Variants in ANK2 observed in about 807,000 individuals in gnomAD.
ANK2 encodes ankyrin 2, also known as ankyrin-2.
A neutral mutation model predicts 360.5 loss-of-function variants in ANK2; 83 were observed. That is an observed-to-expected ratio of 0.23 (90% CI 0.19 to 0.28). ANK2 has a LOEUF of 0.28. Ranked by LOEUF, ANK2 falls within the 10% of genes least tolerant of loss-of-function variation. ANK2 has a pLI of 1.00. For missense variants in ANK2, 4,201 were observed against 4,795.7 expected, an observed-to-expected ratio of 0.88 and a Z score of 3.66; for synonymous variants, 1,740 against 1,759.5, an observed-to-expected ratio of 0.99 and a Z score of 0.28.
chr4:112,810,182 T>TTTTG, the ANK2 span, among the ~76,000 whole-genome samples: 17 of 111,784 alleles, frequency 1.5e-4, no homozygotes, highest in African/African-American at 4.7e-4. Context: ...TTTTTTTTTT[T>TTTTG]GTAGCAATGG....
intron 1 of ANK2, among the ~76,000 whole-genome samples, chr4:112,856,470 G>A (rs2066429598): frequency 6.6e-6 from 1 of 152,198 alleles, no homozygotes; most frequent in Non-Finnish European, 1.5e-5. Context: ...GCTCACGCCT[G>A]TAATCCCAGC....
At chr4:113,028,277 G>T (rs1215318841) in intron 2 of ANK2, among the ~76,000 whole-genome samples, 1 of 152,082 alleles carries the variant, frequency 6.6e-6, no homozygotes. Flanking sequence ...CCTGGGGGAG[G>T]TGTAGAAGGT....
At chr4:113,373,514 T>G in intron 45 of ANK2, 65 bp downstream of exon 45, 1 of 1,520,182 alleles carries the variant, frequency 6.6e-7, no homozygotes, top group Non-Finnish European at 9.1e-7. Flanking sequence ...TCAAGAAAGA[T>G]GAGTGAGATT....
intron 2 of ANK2, among the ~76,000 whole-genome samples, chr4:113,007,180 A>G (rs1314270310): frequency 6.6e-6 from 1 of 152,224 alleles, no homozygotes; most frequent in African/African-American, 2.4e-5. Flanking sequence ...AATGGATAAA[A>G]TATGTAATAC....
At chr4:113,267,411 T>C (rs1226319414) in intron 14 of ANK2, among the ~76,000 whole-genome samples, 3 of 152,236 alleles carry the variant, frequency 2.0e-5, no homozygotes, top group Non-Finnish European at 4.4e-5. Context: ...TAATCCATCT[T>C]GAGTTAATTT....
At position 113,381,484 on chromosome 4, in the gene ANK2, G is replaced by A; in HGVS notation, c.*13G>A. 1 of 1,614,118 alleles carries A rather than the reference G, an allele frequency of 6.2e-7. No homozygotes were observed. Among genetic ancestry groups the A allele is most frequent in the Non-Finnish European group, 8.5e-7 (1 of 1,180,000 alleles). On this transcript the variant is annotated 3_prime_UTR_variant, in exon 46 of 46. Transcript: ENST00000357077. The stretch of plus-strand genomic sequence containing the variant: ...CAACAATGAGTAAAGCCATCACACA[G>A]AAGAGGGCTGTGGTGAAGGACCAGC...
intron 2 of ANK2, among the ~76,000 whole-genome samples, chr4:113,177,719 A>G (rs1484422227): frequency 6.6e-6 from 1 of 152,240 alleles, no homozygotes; most frequent in African/African-American, 2.4e-5. Flanking sequence ...CCAGCCATCC[A>G]CTAACATGTC....
At chr4:112,993,399 T>C (rs1271005405) in intron 2 of ANK2, among the ~76,000 whole-genome samples, 1 of 151,532 alleles carries the variant, frequency 6.6e-6, no homozygotes, top group Admixed American at 6.6e-5. Context: ...ACCTCCCAGG[T>C]TCAAGCAATT....
chr4:113,373,685 T>C, intron 45 of ANK2: 2 of 705,894 alleles, frequency 2.8e-6, no homozygotes, highest in South Asian at 2.8e-5. Context: ...TTTAAAAATA[T>C]CTATTCTTTA....
chr4:112,993,081 G>T (rs1032242832), intron 2 of ANK2, among the ~76,000 whole-genome samples: 9 of 151,768 alleles, frequency 5.9e-5, no homozygotes, highest in African/African-American at 2.2e-4. Context: ...CCATGAATTC[G>T]AGACCAGCCT....
intron 1 of ANK2, among the ~76,000 whole-genome samples, chr4:112,869,730 A>G (rs573264924): frequency 3.1e-4 from 47 of 152,292 alleles, no homozygotes; most frequent in African/African-American, 9.9e-4. Flanking sequence ...TCACACAGGC[A>G]AGAGGGCAGT....
intron 5 of ANK2, among the ~76,000 whole-genome samples, chr4:113,235,751 C>G (rs1050273685): frequency 7.3e-6 from 1 of 136,474 alleles, no homozygotes; most frequent in East Asian, 2.3e-4. Context: ...TGCAGTCTTT[C>G]TTTTTTTTGA....
intron 17 of ANK2, among the ~76,000 whole-genome samples, chr4:113,280,878 G>T (rs897049349): frequency 6.6e-6 from 1 of 152,126 alleles, no homozygotes; most frequent in Non-Finnish European, 1.5e-5. Flanking sequence ...GGGTAACTAA[G>T]ACTAAAGAAA....
At chr4:112,812,960 C>G in the ANK2 span, among the ~76,000 whole-genome samples, 1 of 152,110 alleles carries the variant, frequency 6.6e-6, no homozygotes. Context: ...TGGTCATCGG[C>G]TGGGCGCGGT....
chr4:112,788,223 C>A, the ANK2 span: 1 of 1,590,090 alleles, frequency 6.3e-7, no homozygotes, highest in Non-Finnish European at 8.5e-7. Context: ...GTCCTGATAG[C>A]TTCCACCAGC....
At chr4:112,726,478 A>G in the ANK2 span, among the ~76,000 whole-genome samples, 1 of 152,118 alleles carries the variant, frequency 6.6e-6, no homozygotes, top group Non-Finnish European at 1.5e-5. Context: ...ATTCAGTATT[A>G]TTCTTCTTCC....
chr4:113,260,492 A>G (rs762551637), intron 13 of ANK2, among the ~76,000 whole-genome samples: 1 of 152,170 alleles, frequency 6.6e-6, no homozygotes, highest in Non-Finnish European at 1.5e-5. Flanking sequence ...ACATGCCAAT[A>G]TAATTTCCGT....
chr4:113,319,469 T>A (rs2153837761), intron 26 of ANK2, among the ~76,000 whole-genome samples: 1 of 151,728 alleles, frequency 6.6e-6, no homozygotes, highest in African/African-American at 2.4e-5. Flanking sequence ...TGCAATATTT[T>A]GATTTTAATT....
intron 2 of ANK2, among the ~76,000 whole-genome samples, chr4:113,019,502 G>C (rs956143038): frequency 6.6e-6 from 1 of 152,142 alleles, no homozygotes; most frequent in African/African-American, 2.4e-5. Flanking sequence ...TGACTAATAA[G>C]TAAATACAAC....
Sources: gnomAD v4.1 joint callset for allele counts (sites outside exome capture counted in the v4.1 genomes callset) on GRCh38, gnomAD v4.1.1 for gene constraint, MANE v1.5 for transcripts, NCBI Gene and HGNC (gene_info 2026-07-23, HGNC 2026-07-21) for gene names.